SOX6: variants seen among roughly 807,000 people sequenced by gnomAD.
The protein encoded by SOX6 is SRY-box transcription factor 6, also known as transcription factor SOX-6.
Under a neutral mutation model 97.8 loss-of-function variants are expected in SOX6, and 11 were observed. The ratio of observed to expected loss-of-function variants is 0.11; its 90% confidence interval spans 0.07 to 0.19. The LOEUF (loss-of-function observed/expected upper bound fraction) is 0.19. Ranked by LOEUF, SOX6 falls within the 10% of genes least tolerant of loss-of-function variation. The pLI, the probability that SOX6 is intolerant of heterozygous loss-of-function variation, is 1.00. For synonymous variants in SOX6, 360 were observed against 371.4 expected, an observed-to-expected ratio of 0.97 and a Z score of 0.35; for missense variants, 810 against 1,039.5, an observed-to-expected ratio of 0.78 and a Z score of 3.04.
Position 15,966,953 on chromosome 11 carries a change from TTTATTA to T in SOX6, c.*5850_*5855del, listed in dbSNP as rs200765651. 4 of 152,050 alleles carry T rather than the reference TTTATTA, an allele frequency of 2.6e-5. No homozygotes were observed. Among genetic ancestry groups the T allele is most frequent in the Non-Finnish European group, 5.9e-5 (4 of 67,998 alleles). The allele number at this position is 152,050 out of a possible 1,614,324, so 9.4% of individuals were successfully genotyped here. A position where few individuals can be genotyped will look rare whatever the true frequency, so the allele number is the denominator to read the frequency against. On this transcript the variant is annotated 3_prime_UTR_variant, in exon 16 of 16. Coordinates refer to ENST00000683767, the MANE Select transcript of SOX6 (RefSeq NM_001367873.1). ...CATTTCTTTAATCCTTAGCAAACTT[TTTATTA>T]TTATTATTATCAAGAGGAGAGTGTG... is the stretch of plus-strand genomic sequence containing the variant.
intron 6 of SOX6, among the ~76,000 whole-genome samples, chr11:16,141,111 CAAA>C (rs763775070): frequency 3.9e-5 from 5 of 128,028 alleles, no homozygotes; most frequent in African/African-American, 1.4e-4. Flanking sequence ...GACTTCACCT[CAAA>C]AAAAAAAAAA....
At chr11:16,521,355 A>C (rs1016861932) in intron 4 of SOX6, among the ~76,000 whole-genome samples, 1 of 152,190 alleles carries the variant, frequency 6.6e-6, no homozygotes, top group African/African-American at 2.4e-5. Context: ...ACCACTGCTG[A>C]TACCCAGGCA....
At chr11:16,322,993 T>C (rs967967148) in intron 2 of SOX6, among the ~76,000 whole-genome samples, 1 of 152,172 alleles carries the variant, frequency 6.6e-6, no homozygotes, top group South Asian at 2.1e-4. Flanking sequence ...GAAGAACATG[T>C]GGGCACTGAG....
At chr11:16,206,045 A>G (rs1366056598) in intron 4 of SOX6, among the ~76,000 whole-genome samples, 1 of 152,024 alleles carries the variant, frequency 6.6e-6, no homozygotes, top group Admixed American at 6.6e-5. Context: ...TGGTAGCATT[A>G]GAAAAAAAAA....
intron 1 of SOX6, among the ~76,000 whole-genome samples, chr11:16,420,042 A>T (rs1196345030): frequency 6.6e-6 from 1 of 152,228 alleles, no homozygotes; most frequent in Non-Finnish European, 1.5e-5. Context: ...TGGAAAATAT[A>T]TTCTATCTTG....
intron 6 of SOX6, among the ~76,000 whole-genome samples, chr11:16,151,274 T>G (rs1195630778): frequency 6.6e-6 from 1 of 152,088 alleles, no homozygotes; most frequent in African/African-American, 2.4e-5. Context: ...GGATGAAAAT[T>G]TGCCTCTCAG....
intron 3 of SOX6, among the ~76,000 whole-genome samples, chr11:16,286,363 T>G (rs1431274126): frequency 2.0e-5 from 3 of 152,104 alleles, no homozygotes; most frequent in Non-Finnish European, 2.9e-5. Context: ...AAGAAATTCT[T>G]AGTACATATC....
Position 15,973,089 on chromosome 11 carries a change from G to A in SOX6, c.2207C>T (p.Thr736Ile). The change falls in exon 16 of 16, where the codon ACC becomes ATC. Residue 736 changes from threonine (T) to isoleucine (I), a missense_variant. This residue lies in a region of SOX6 where 122 missense variants were observed against 153.4 expected (regional missense o/e 0.80). Coordinates refer to ENST00000683767, the MANE Select transcript of SOX6 (RefSeq NM_001367873.1). ...TVGQQPQIPITTGTGVVYPGA... is the reference protein window; with the variant it reads ...TVGQQPQIPIITGTGVVYPGA... ...AGGATACACAACACCTGTTCCTGTG[G>A]TGATTGGAATCTGAGGCTGTTGCCT... 4 of 1,614,162 alleles carry A rather than the reference G, an allele frequency of 2.5e-6. No individual in the cohort carries two copies. The highest frequency in any genetic ancestry group is 3.4e-6 in the Non-Finnish European group (4 of 1,180,038).
chr11:16,389,307 A>G (rs942706568), intron 1 of SOX6, among the ~76,000 whole-genome samples: 10 of 152,094 alleles, frequency 6.6e-5, no homozygotes, highest in African/African-American at 2.4e-4. Flanking sequence ...TCTCAAACTT[A>G]CTAGTCTCAA....
chr11:16,010,558 A>C (rs1438723228), intron 13 of SOX6, among the ~76,000 whole-genome samples: 1 of 152,056 alleles, frequency 6.6e-6, no homozygotes, highest in African/African-American at 2.4e-5. Flanking sequence ...CCATGCAGCA[A>C]AACAGAAACA....
At chr11:16,302,562 T>C (rs1284069694) in intron 3 of SOX6, among the ~76,000 whole-genome samples, 3 of 137,652 alleles carry the variant, frequency 2.2e-5, no homozygotes, top group African/African-American at 7.9e-5. Flanking sequence ...TTTTTTCTTT[T>C]TTTCTTTTTT....
At chr11:16,017,388 A>G (rs1237878644) in intron 12 of SOX6, among the ~76,000 whole-genome samples, 1 of 152,110 alleles carries the variant, frequency 6.6e-6, no homozygotes, top group African/African-American at 2.4e-5. Flanking sequence ...AATCAATGAT[A>G]GAAATTGTTT....
intron 6 of SOX6, among the ~76,000 whole-genome samples, chr11:16,134,405 TGAA>T (rs577610740): frequency 0.012 from 1,828 of 152,324 alleles, 35 homozygotes; most frequent in African/African-American, 0.042. Context: ...GAAAACTTCT[TGAA>T]GAAGGTGTGT....
chr11:16,236,615 A>G (rs1404885051), intron 3 of SOX6, among the ~76,000 whole-genome samples: 3 of 152,088 alleles, frequency 2.0e-5, no homozygotes, highest in Admixed American at 6.6e-5. Flanking sequence ...AGTTGAGAGC[A>G]TATAGTATAG....
intron 1 of SOX6, among the ~76,000 whole-genome samples, chr11:16,463,112 T>C (rs990497287): frequency 6.6e-6 from 1 of 152,198 alleles, no homozygotes; most frequent in African/African-American, 2.4e-5. Flanking sequence ...AATTTGTAAT[T>C]GAGAATATTC....
chr11:16,112,259 G>A (rs1368222024), intron 6 of SOX6, among the ~76,000 whole-genome samples: 2 of 152,050 alleles, frequency 1.3e-5, no homozygotes, highest in Non-Finnish European at 2.9e-5. Context: ...TTCTAGCACT[G>A]TACAATGTTG....
chr11:16,146,745 T>A (rs1223819947), intron 6 of SOX6, among the ~76,000 whole-genome samples: 1 of 151,920 alleles, frequency 6.6e-6, no homozygotes, highest in Non-Finnish European at 1.5e-5. Context: ...AACAGACACA[T>A]GAAAAAATGC....
intron 6 of SOX6, among the ~76,000 whole-genome samples, chr11:16,122,998 C>T (rs988371239): frequency 6.6e-6 from 1 of 151,814 alleles, no homozygotes; most frequent in Non-Finnish European, 1.5e-5. Flanking sequence ...TAAAGTTCAC[C>T]AGTTGGTAAG....
intron 3 of SOX6, among the ~76,000 whole-genome samples, chr11:16,682,314 C>G (rs1005030564): frequency 2.0e-5 from 3 of 152,090 alleles, no homozygotes; most frequent in African/African-American, 7.2e-5. Context: ...AACAAGACTC[C>G]GTCTCAAAAG....
Sources: gnomAD v4.1 joint callset for allele counts (sites outside exome capture counted in the v4.1 genomes callset) on GRCh38, gnomAD v4.1.1 for gene constraint, gnomAD v4.1.1 regional missense constraint, MANE v1.5 for transcripts, NCBI Gene and HGNC (gene_info 2026-07-23, HGNC 2026-07-21) for gene names.